AFG1L: variants seen among roughly 807,000 people sequenced by gnomAD.
The protein encoded by AFG1L is AFG1 like ATPase.
AFG1L carries 53 observed loss-of-function variants against 62.2 expected under a neutral mutation model. That is an observed-to-expected ratio of 0.85 (90% confidence interval 0.68 to 1.07). The LOEUF (loss-of-function observed/expected upper bound fraction) is 1.07. AFG1L is among the 50% of genes least tolerant of loss of function. AFG1L has a pLI of 0.00. For synonymous variants in AFG1L, 228 were observed against 210.3 expected, an observed-to-expected ratio of 1.08 and a Z score of -0.73; for missense variants, 555 against 590.5, an observed-to-expected ratio of 0.94 and a Z score of 0.62.
intron 7 of AFG1L, among the ~76,000 whole-genome samples, chr6:108,443,732 G>A (rs1771640788): frequency 1.3e-5 from 2 of 151,838 alleles, no homozygotes; most frequent in Non-Finnish European, 2.9e-5. Flanking sequence ...AAAATTACCG[G>A]GGCATGGTGA....
chr6:108,469,030 C>A (rs931119721), intron 8 of AFG1L, among the ~76,000 whole-genome samples: 1 of 151,766 alleles, frequency 6.6e-6, no homozygotes, highest in Non-Finnish European at 1.5e-5. Flanking sequence ...TATTTTGGGT[C>A]TTTGTCTTTT....
At chr6:108,306,654 T>A (rs1219436367) in intron 1 of AFG1L, among the ~76,000 whole-genome samples, 1 of 152,214 alleles carries the variant, frequency 6.6e-6, no homozygotes, top group Non-Finnish European at 1.5e-5. Context: ...ATATGCTACA[T>A]GCAGGATGCT....
rs558685931 is a variant in AFG1L, at chr6:108,380,656, A to G, written c.748+14324A>G. On this transcript the variant is annotated intron_variant, in intron 6 of 12. Coordinates refer to ENST00000368977, the MANE Select transcript of AFG1L (RefSeq NM_145315.5). ...TAAAATGCCCATACAGCCATGCTGC[A>G]GGTCACCAAAGAATGGCCGAGATTA... 4.5e-4 allele frequency among the ~76,000 whole-genome samples: 69 copies of G among 152,332 alleles called. No individual in the cohort carries two copies. In the East Asian group the frequency reaches 0.011, roughly 25 times the overall value.
At chr6:108,309,798 T>A (rs968624883) in intron 1 of AFG1L, among the ~76,000 whole-genome samples, 2 of 152,112 alleles carry the variant, frequency 1.3e-5, no homozygotes, top group African/African-American at 4.8e-5. Context: ...ACAAAATATC[T>A]TATTAATAAT....
At chr6:108,453,537 G>A (rs1772139057) in intron 8 of AFG1L, among the ~76,000 whole-genome samples, 1 of 152,142 alleles carries the variant, frequency 6.6e-6, no homozygotes, top group African/African-American at 2.4e-5. Context: ...CAGAAGAAAG[G>A]TCTGTGAAAA....
At chr6:108,511,606 T>C (rs542221088) in intron 11 of AFG1L, among the ~76,000 whole-genome samples, 3 of 152,342 alleles carry the variant, frequency 2.0e-5, no homozygotes, top group South Asian at 4.1e-4. Context: ...TCTGTAAATA[T>C]AGATTCATAG....
At chr6:108,510,135 G>A (rs773476778) in intron 10 of AFG1L, 77 bp from the exon 11 acceptor site, 5 of 1,126,316 alleles carry the variant, frequency 4.4e-6, no homozygotes, top group Non-Finnish European at 6.2e-6. Context: ...AGAAAGAGGT[G>A]TTTTTACACT....
At chr6:108,501,292 C>T (rs1054737031) in intron 10 of AFG1L, among the ~76,000 whole-genome samples, 10 of 152,074 alleles carry the variant, frequency 6.6e-5, no homozygotes, top group East Asian at 1.9e-4. Context: ...CGCACCTGGC[C>T]GAAGAGAAAT....
chr6:108,366,770 A>G (rs1207570540), intron 6 of AFG1L, among the ~76,000 whole-genome samples: 5 of 152,164 alleles, frequency 3.3e-5, no homozygotes, highest in African/African-American at 9.6e-5. Flanking sequence ...CTAAAAAAGC[A>G]CTTGTGGCTT....
intron 8 of AFG1L, among the ~76,000 whole-genome samples, chr6:108,449,390 G>A (rs1374020107): frequency 6.6e-6 from 1 of 152,046 alleles, no homozygotes. Flanking sequence ...AGAGGAGAAG[G>A]CAGATATGTA....
At chr6:108,405,992 A>G (rs1014589177) in intron 7 of AFG1L, among the ~76,000 whole-genome samples, 6 of 152,208 alleles carry the variant, frequency 3.9e-5, no homozygotes, top group East Asian at 1.9e-4. Context: ...ATAATATTCT[A>G]TTGTAAGGAT....
intron 2 of AFG1L, among the ~76,000 whole-genome samples, chr6:108,338,853 T>C (rs952456174): frequency 6.6e-6 from 1 of 152,204 alleles, no homozygotes; most frequent in Non-Finnish European, 1.5e-5. Flanking sequence ...ACACACATCC[T>C]GGATTCTGGC....
chr6:108,516,864 A>G (rs1774917125), intron 11 of AFG1L, among the ~76,000 whole-genome samples: 1 of 152,170 alleles, frequency 6.6e-6, no homozygotes, highest in South Asian at 2.1e-4. Flanking sequence ...AATAACAGAG[A>G]AACAGAGAGC....
intron 11 of AFG1L, among the ~76,000 whole-genome samples, chr6:108,515,519 A>G (rs1183505165): frequency 4.6e-5 from 7 of 152,238 alleles, no homozygotes; most frequent in Non-Finnish European, 1.0e-4. Flanking sequence ...AGGGAAATGT[A>G]TAGCACTAAA....
At chr6:108,349,199 A>T (rs997585555) in intron 3 of AFG1L, among the ~76,000 whole-genome samples, 1 of 152,072 alleles carries the variant, frequency 6.6e-6, no homozygotes, top group East Asian at 1.9e-4. Flanking sequence ...AAAATATGTA[A>T]TCGGCCAGGC....
intron 2 of AFG1L, among the ~76,000 whole-genome samples, chr6:108,326,325 G>C (rs143728945): frequency 6.6e-5 from 10 of 152,174 alleles, no homozygotes; most frequent in Non-Finnish European, 1.5e-4. Context: ...TCCTGCCTCA[G>C]CCTCTAAAGC....
At chr6:108,368,732 A>G (rs748840755) in intron 6 of AFG1L, among the ~76,000 whole-genome samples, 4 of 152,222 alleles carry the variant, frequency 2.6e-5, no homozygotes, top group Non-Finnish European at 5.9e-5. Context: ...CAATTTTGGA[A>G]GCCCTTTAGC....
intron 10 of AFG1L, among the ~76,000 whole-genome samples, chr6:108,482,223 G>A (rs2114828047): frequency 6.6e-6 from 1 of 152,162 alleles, no homozygotes; most frequent in African/African-American, 2.4e-5. Flanking sequence ...AATCATACAT[G>A]ACAAAAGATC....
intron 10 of AFG1L, among the ~76,000 whole-genome samples, chr6:108,507,397 T>C (rs1774460226): frequency 6.6e-6 from 1 of 152,210 alleles, no homozygotes; most frequent in South Asian, 2.1e-4. Flanking sequence ...CTGAGCTTTG[T>C]TTTCTTTATG....
Sources: allele counts gnomAD v4.1 joint callset (sites outside exome capture counted in the v4.1 genomes callset), GRCh38; gene constraint gnomAD v4.1.1; transcripts MANE v1.5; gene names NCBI Gene and HGNC (gene_info 2026-07-23, HGNC 2026-07-21).